MRAS: variants seen among roughly 807,000 people sequenced by gnomAD.
The protein encoded by MRAS is muscle RAS oncogene homolog.
In MRAS, 4 loss-of-function variants were observed where a neutral mutation model predicts 20.9. The ratio of observed to expected loss-of-function variants is 0.19; its 90% CI spans 0.09 to 0.44. The LOEUF is 0.44. MRAS is among the 20% of genes least tolerant of loss of function. The pLI is 0.99. For missense variants in MRAS, 154 were observed against 277.5 expected, an observed-to-expected ratio of 0.56 and a Z score of 3.16; for synonymous variants, 98 against 102.9, an observed-to-expected ratio of 0.95 and a Z score of 0.29.
chr3:138,402,286 G>A lies in MRAS; in HGVS notation c.*17G>A. The A allele has an allele frequency of 6.2e-7, 1 of 1,610,762 alleles. No homozygotes were observed. Among genetic ancestry groups the A allele is most frequent in the South Asian group, 1.1e-5 (1 of 90,940 alleles). On this transcript the variant is annotated 3_prime_UTR_variant, in exon 6 of 6. Transcript: ENST00000423968. ...ATCTTGTGACAGGCCTGAGGCCCTG[G>A]GCACAGTGACGGTGGCCTGGCCAGC...
chr3:138,380,554 A>G (rs972091499), intron 2 of MRAS, among the ~76,000 whole-genome samples: 1 of 151,884 alleles, frequency 6.6e-6, no homozygotes, highest in Non-Finnish European at 1.5e-5. Context: ...CAGGTGATCC[A>G]CCCACCTCGG....
At chr3:138,362,860 G>T (rs952384256) in intron 1 of MRAS, among the ~76,000 whole-genome samples, 4 of 151,990 alleles carry the variant, frequency 2.6e-5, no homozygotes, top group African/African-American at 9.7e-5. Context: ...CCCTTCCCCT[G>T]CCACTCTTAC....
At chr3:138,391,566 C>G (rs1352045423) in intron 2 of MRAS, among the ~76,000 whole-genome samples, 2 of 152,130 alleles carry the variant, frequency 1.3e-5, no homozygotes, top group East Asian at 1.9e-4. Flanking sequence ...TTGTTTTATG[C>G]ACAAAATTCT....
At chr3:138,363,819 A>AACCCCCCCC (rs2054501005) in intron 1 of MRAS, among the ~76,000 whole-genome samples, 1 of 32,942 alleles carries the variant, frequency 3.0e-5, no homozygotes, top group Non-Finnish European at 6.1e-5. Flanking sequence ...TAGAGGATTT[A>AACCCCCCCC]CCCCCCCCCC....
intron 1 of MRAS, among the ~76,000 whole-genome samples, chr3:138,372,171 A>G (rs1013257148): frequency 7.9e-5 from 12 of 152,110 alleles, no homozygotes; most frequent in Admixed American, 3.9e-4. Context: ...ATCTCTAGAC[A>G]TTGCAAATAT....
At chr3:138,357,225 T>C (rs1399222136) in intron 1 of MRAS, among the ~76,000 whole-genome samples, 4 of 150,132 alleles carry the variant, frequency 2.7e-5, no homozygotes, top group Non-Finnish European at 5.9e-5. Flanking sequence ...GGGGCCGCCC[T>C]TGCCCCAAGC....
intron 2 of MRAS, among the ~76,000 whole-genome samples, chr3:138,380,509 C>CA (rs59757356): frequency 5.0e-4 from 2 of 4,022 alleles, no homozygotes; most frequent in South Asian, 9.2e-3. Flanking sequence ...GATGGGGTTT[C>CA]CGTGTTGGCC....
At chr3:138,383,666 T>G (rs892979827) in intron 2 of MRAS, among the ~76,000 whole-genome samples, 1 of 152,166 alleles carries the variant, frequency 6.6e-6, no homozygotes. Context: ...GAACCCTGAG[T>G]CCTATGTACC....
intron 1 of MRAS, among the ~76,000 whole-genome samples, chr3:138,362,254 G>A (rs1448450042): frequency 6.6e-6 from 1 of 152,186 alleles, no homozygotes; most frequent in African/African-American, 2.4e-5. Flanking sequence ...GGACAAGCTT[G>A]GGGGTGAGTG....
chr3:138,370,584 G>A (rs1260181512), intron 1 of MRAS, among the ~76,000 whole-genome samples: 4 of 152,112 alleles, frequency 2.6e-5, no homozygotes, highest in African/African-American at 4.8e-5. Context: ...AGCCCGTCCC[G>A]TGTTGTAGGG....
At chr3:138,389,139 C>T (rs2055077436) in intron 2 of MRAS, among the ~76,000 whole-genome samples, 1 of 152,146 alleles carries the variant, frequency 6.6e-6, no homozygotes, top group African/African-American at 2.4e-5. Context: ...CGTGCCCCAC[C>T]ATGTGTCATA....
intron 1 of MRAS, chr3:138,350,125 T>C (rs1054252642): frequency 1.6e-4 from 25 of 152,182 alleles, no homozygotes; most frequent in African/African-American, 6.0e-4. Context: ...GAGCTGTGGG[T>C]ATTAATAACT....
chr3:138,379,158 A>G (rs2054847438), intron 2 of MRAS, among the ~76,000 whole-genome samples: 1 of 152,010 alleles, frequency 6.6e-6, no homozygotes, highest in Non-Finnish European at 1.5e-5. Context: ...CCCATTAACC[A>G]ACTTCTCTTC....
At chr3:138,378,636 C>G (rs139132575) in intron 2 of MRAS, among the ~76,000 whole-genome samples, 1 of 152,148 alleles carries the variant, frequency 6.6e-6, no homozygotes, top group Non-Finnish European at 1.5e-5. Flanking sequence ...GTGTGACTGC[C>G]CTCACCCCAA....
Position 138,398,509 on chromosome 3 carries a change from T to C in MRAS, c.388T>C (p.Leu130=). 1.2e-6 allele frequency: 2 copies of C among 1,614,196 alleles called. No homozygotes were observed. Among genetic ancestry groups the C allele is most frequent in the Non-Finnish European group, 1.7e-6 (2 of 1,180,030 alleles). Residue 130 remains leucine (L), a synonymous_variant, in exon 4 of 6, where the codon TTG becomes CTG. Transcript: ENST00000423968. The part of the protein sequence containing the change: ...PMILVANKVD[L]MHLRKITREQ... ...GATCCTCGTGGCCAACAAGGTCGAT[T>C]TGATGCACTTGAGGAAGATCACCAG...
chr3:138,362,106 G>A (rs2054461117), intron 1 of MRAS, among the ~76,000 whole-genome samples: 1 of 152,150 alleles, frequency 6.6e-6, no homozygotes, highest in African/African-American at 2.4e-5. Context: ...CAGAGGCCAG[G>A]TGGCCAAGTA....
chr3:138,386,724 C>G (rs2055023089), intron 2 of MRAS, among the ~76,000 whole-genome samples: 1 of 152,208 alleles, frequency 6.6e-6, no homozygotes, highest in Non-Finnish European at 1.5e-5. Flanking sequence ...TTCAGGTGAT[C>G]TGCCCGCCTC....
chr3:138,355,269 C>A lies in MRAS; in HGVS notation c.-19+6502C>A, dbSNP rs576140970. Among the ~76,000 whole-genome samples the A allele has an allele frequency of 6.8e-4, 103 of 152,236 alleles. No homozygotes were observed. The South Asian group carries it at 0.016, about 24-fold the overall frequency. On this transcript the variant is annotated intron_variant, in intron 1 of 5. Coordinates refer to ENST00000423968, the MANE Select transcript of MRAS (RefSeq NM_001085049.3). Reference sequence around the variant, plus strand: ...GCAGGAGTAAGGCGGCAGAGCCAACCCTGCATCTGCAGTTAGAAGCTCTCC... The same window carrying A: ...GCAGGAGTAAGGCGGCAGAGCCAACACTGCATCTGCAGTTAGAAGCTCTCC...
At chr3:138,397,533 G>A (rs772505698) in intron 3 of MRAS, 56 bp downstream of exon 3, 30 of 1,591,274 alleles carry the variant, frequency 1.9e-5, no homozygotes, top group Non-Finnish European at 2.5e-5. Context: ...TGCCTCCTAG[G>A]GCGCTCTCTC....
Sources: gnomAD v4.1 joint callset for allele counts (sites outside exome capture counted in the v4.1 genomes callset) on GRCh38, gnomAD v4.1.1 for gene constraint, MANE v1.5 for transcripts, NCBI Gene and HGNC (gene_info 2026-07-23, HGNC 2026-07-21) for gene names.